Variants in RNF144A observed in about 807,000 individuals in gnomAD.
RNF144A encodes the protein ring finger protein 144A, also known as E3 ubiquitin-protein ligase RNF144A.
In RNF144A, 11 loss-of-function variants were observed where a neutral mutation model predicts 38.7. The observed-to-expected ratio is 0.28, with a 90% CI of 0.18 to 0.47. The LOEUF is 0.47. RNF144A is among the 20% of genes least tolerant of loss of function. The pLI is 0.99. For missense variants in RNF144A, 316 were observed against 377.2 expected (o/e 0.84, Z 1.34); for synonymous variants, 149 against 143.9 (o/e 1.04, Z -0.25).
At chr2:6,950,440 G>C (rs761724663) in intron 2 of RNF144A, among the ~76,000 whole-genome samples, 1 of 152,168 alleles carries the variant, frequency 6.6e-6, no homozygotes, top group South Asian at 2.1e-4. Flanking sequence ...TCCTGCCATT[G>C]GATGTTTGGG....
chr2:7,031,338 G>A (rs1672290640), intron 8 of RNF144A, among the ~76,000 whole-genome samples: 1 of 151,092 alleles, frequency 6.6e-6, no homozygotes, highest in African/African-American at 2.4e-5. Flanking sequence ...AGACAGATGT[G>A]TCCTTCTACG....
chr2:6,994,333 C>A (rs1051592996), intron 2 of RNF144A, among the ~76,000 whole-genome samples: 1 of 152,066 alleles, frequency 6.6e-6, no homozygotes, highest in Non-Finnish European at 1.5e-5. Flanking sequence ...CAATTTAGGG[C>A]CAGCTAACAT....
intron 6 of RNF144A, among the ~76,000 whole-genome samples, chr2:7,067,121 A>G (rs1218956304): frequency 6.6e-6 from 1 of 152,230 alleles, no homozygotes; most frequent in Admixed American, 6.5e-5. Context: ...GAAGAAAACT[A>G]TAGCACACCT....
downstream of RNF144A, among the ~76,000 whole-genome samples, chr2:7,048,326 C>T (rs896397159): frequency 1.1e-4 from 17 of 152,220 alleles, no homozygotes; most frequent in Admixed American, 2.0e-4. Flanking sequence ...ACTGCGCTTC[C>T]TGAATCAACA....
At chr2:7,007,553 A>G (rs1670526633) in intron 3 of RNF144A, among the ~76,000 whole-genome samples, 1 of 152,144 alleles carries the variant, frequency 6.6e-6, no homozygotes, top group Admixed American at 6.5e-5. Context: ...ATCCTGCCTC[A>G]GCTTTTAACC....
chr2:7,018,594 A>G (rs868390636), intron 5 of RNF144A, among the ~76,000 whole-genome samples: 9 of 152,318 alleles, frequency 5.9e-5, no homozygotes, highest in Admixed American at 2.6e-4. Flanking sequence ...GCCCCCACAC[A>G]TGTGACCCAC....
chr2:6,947,183 A>T (rs1343808554), intron 2 of RNF144A, among the ~76,000 whole-genome samples: 3 of 152,130 alleles, frequency 2.0e-5, no homozygotes, highest in African/African-American at 7.2e-5. Context: ...AGATATACAA[A>T]CTTAAAGAGA....
chr2:7,063,544 A>T (rs1674061553), intron 6 of RNF144A, among the ~76,000 whole-genome samples: 1 of 152,182 alleles, frequency 6.6e-6, no homozygotes, highest in African/African-American at 2.4e-5. Context: ...TGTGCTAAAG[A>T]TGAACAGAAA....
At chr2:6,966,067 A>C (rs1667649721) in intron 2 of RNF144A, among the ~76,000 whole-genome samples, 1 of 152,256 alleles carries the variant, frequency 6.6e-6, no homozygotes, top group Non-Finnish European at 1.5e-5. Context: ...TCAAAGTCTT[A>C]GCCCATATAT....
At chr2:7,075,287 C>CG in the RNF144A span, among the ~76,000 whole-genome samples, 202 of 151,786 alleles carry the variant, frequency 1.3e-3, 1 homozygote, top group African/African-American at 4.5e-3. Flanking sequence ...AACATCCCCC[C>CG]CCCCACACAG....
intron 6 of RNF144A, chr2:7,068,159 TTGAG>T: frequency 2.2e-6 from 2 of 897,320 alleles, no homozygotes; most frequent in South Asian, 2.8e-5. Flanking sequence ...ACAAGTATCA[TTGAG>T]TAAGCTTTTC....
At chr2:7,072,238 C>A (rs968873307), downstream of RNF144A, among the ~76,000 whole-genome samples, 9 of 152,200 alleles carry the variant, frequency 5.9e-5, no homozygotes, top group African/African-American at 2.2e-4. Context: ...GCTACAGGTG[C>A]TACTAGTGAG....
intron 3 of RNF144A, among the ~76,000 whole-genome samples, chr2:7,011,078 A>C (rs1411924314): frequency 6.9e-6 from 1 of 144,718 alleles, no homozygotes; most frequent in Non-Finnish European, 1.6e-5. Context: ...CTACAGAAAA[A>C]GTTTATGAGG....
chr2:7,046,922 G>A (rs182667890), downstream of RNF144A, among the ~76,000 whole-genome samples: 4 of 152,160 alleles, frequency 2.6e-5, no homozygotes, highest in East Asian at 5.8e-4. Flanking sequence ...CATTCAGAAC[G>A]TGAGTACATG....
rs1666238582 is a variant in RNF144A at position 6,944,930 on chromosome 2, A to G, written c.-12+3783A>G. Among the ~76,000 whole-genome samples the G allele has an allele frequency of 6.6e-6, 1 of 152,278 alleles. No homozygotes were observed. The highest frequency in any genetic ancestry group is 1.5e-5 in the Non-Finnish European group (1 of 68,040). On this transcript the variant is annotated intron_variant, in intron 2 of 8. Coordinates refer to ENST00000320892, the MANE Select transcript of RNF144A (RefSeq NM_014746.6). This position sits in a 1 kb window ranked among gnomAD's most constrained non-coding sequence, Gnocchi z 4.7. ...GAATTTATAAAGAGAGGTGGTTTTCATGGACTATAAAGCAGCCTCAATCCA... is the reference window on the plus strand; with the variant it reads ...GAATTTATAAAGAGAGGTGGTTTTCGTGGACTATAAAGCAGCCTCAATCCA...
At chr2:6,986,062 G>T (rs897390367) in intron 2 of RNF144A, among the ~76,000 whole-genome samples, 24 of 152,152 alleles carry the variant, frequency 1.6e-4, no homozygotes, top group African/African-American at 5.6e-4. Flanking sequence ...AGAGTCACAG[G>T]TTTTCACGTG....
At chr2:7,037,334 A>T (rs1015513859) in intron 8 of RNF144A, among the ~76,000 whole-genome samples, 4 of 152,206 alleles carry the variant, frequency 2.6e-5, no homozygotes, top group Non-Finnish European at 5.9e-5. Flanking sequence ...TAAGAATGTG[A>T]TCATTTGGTC....
intron 2 of RNF144A, among the ~76,000 whole-genome samples, chr2:6,971,714 G>T (rs750649556): frequency 3.9e-5 from 6 of 152,136 alleles, no homozygotes; most frequent in Non-Finnish European, 5.9e-5. Context: ...AGTGACATCA[G>T]ATGAAGTCTT....
rs183331275 is a variant in RNF144A at position 7,022,976 on chromosome 2, A to C, written c.510-1393A>C. Among the ~76,000 whole-genome samples the C allele has an allele frequency of 3.4e-3, 522 of 152,340 alleles. 2 individuals carry two copies. Among genetic ancestry groups the C allele is most frequent in the Non-Finnish European group, 5.5e-3 (375 of 68,028 alleles). On this transcript the variant is annotated intron_variant, in intron 6 of 8. Transcript: ENST00000320892. ...CAGTTGTTAATAATAACTACTGTTT[A>C]TTGAGTGCCTGGTACTTATGTGCTG...
Sources: gnomAD v4.1 joint callset for allele counts (sites outside exome capture counted in the v4.1 genomes callset) on GRCh38, gnomAD v4.1.1 for gene constraint, Gnocchi (gnomAD v3.1) non-coding constraint, MANE v1.5 for transcripts, NCBI Gene and HGNC (gene_info 2026-07-23, HGNC 2026-07-21) for gene names.